The following FGF14 variants were observed in gnomAD, a reference collection of about 807,000 sequenced individuals.
The protein encoded by FGF14 is fibroblast growth factor 14, also known as fibroblast growth factor homologous factor 4.
In FGF14, 5 loss-of-function variants were observed where a neutral mutation model predicts 25.5. That is an observed-to-expected ratio of 0.20 (90% CI 0.10 to 0.41). FGF14 has a LOEUF of 0.41. Among genes scored for constraint, FGF14 ranks in the 10% least tolerant of loss-of-function variants. FGF14 has a pLI of 1.00. For missense variants in FGF14, 222 were observed against 320.1 expected (o/e 0.69, Z 2.34); for synonymous variants, 138 against 118.3 (o/e 1.17, Z -1.08).
chr13:102,229,579 G>C (rs1043579421), intron 1 of FGF14, among the ~76,000 whole-genome samples: 3 of 152,060 alleles, frequency 2.0e-5, no homozygotes, highest in Non-Finnish European at 4.4e-5. Flanking sequence ...CCTCAACATG[G>C]GCTGCTCTCT....
intron 1 of FGF14, among the ~76,000 whole-genome samples, chr13:101,985,944 C>T (rs1273566029): frequency 1.3e-5 from 2 of 152,136 alleles, no homozygotes; most frequent in African/African-American, 4.8e-5. Flanking sequence ...AAACATCCAA[C>T]TGCTACCTAA....
intron 1 of FGF14, among the ~76,000 whole-genome samples, chr13:102,034,004 A>G (rs972224125): frequency 9.9e-5 from 15 of 152,118 alleles, no homozygotes; most frequent in African/African-American, 3.6e-4. Flanking sequence ...ACCGCACAGC[A>G]GAGGAAAATG....
intron 1 of FGF14, chr13:102,003,305 G>A (rs1158069132): frequency 1.3e-5 from 2 of 152,154 alleles, no homozygotes; most frequent in Admixed American, 1.3e-4. Flanking sequence ...AATAAAGAGA[G>A]CCATGGGATT....
At chr13:101,995,438 G>A (rs142705845) in intron 1 of FGF14, among the ~76,000 whole-genome samples, 28 of 152,272 alleles carry the variant, frequency 1.8e-4, no homozygotes, top group African/African-American at 6.5e-4. Context: ...TGAAACAGGA[G>A]TGTGGCGGTG....
At chr13:102,350,193 C>A (rs926340163) in intron 1 of FGF14, among the ~76,000 whole-genome samples, 26 of 152,152 alleles carry the variant, frequency 1.7e-4, no homozygotes, top group Admixed American at 1.4e-3. Flanking sequence ...CATAGTAAGA[C>A]CTCCGTCTCT....
rs578261519 is a variant in FGF14 at position 102,202,185 on chromosome 13, G to A, written c.208+199286C>T. On this transcript the variant is annotated intron_variant, in intron 1 of 4. Transcript: ENST00000376131. ...ATACAGCCTGCGAAACCATGAGCCA[G>A]TTAAACCTCTTTTCTTTATAAGTTA... Among the ~76,000 whole-genome samples the A allele has an allele frequency of 7.6e-4, 116 of 152,316 alleles. 1 individual carries two copies. The highest frequency in any genetic ancestry group is 2.5e-3 in the African/African-American group (105 of 41,560).
intron 3 of FGF14, among the ~76,000 whole-genome samples, chr13:101,863,599 C>T (rs191642913): frequency 4.6e-5 from 7 of 152,152 alleles, no homozygotes; most frequent in East Asian, 3.9e-4. Flanking sequence ...AATGAATTCA[C>T]GCAATACTCC....
chr13:101,947,543 G>A (rs1399952598), intron 1 of FGF14, among the ~76,000 whole-genome samples: 1 of 152,180 alleles, frequency 6.6e-6, no homozygotes, highest in Non-Finnish European at 1.5e-5. Context: ...CAGCAACATG[G>A]ATGCAGCTAG....
At chr13:102,087,251 G>C (rs143844845) in intron 1 of FGF14, among the ~76,000 whole-genome samples, 33 of 152,162 alleles carry the variant, frequency 2.2e-4, no homozygotes, top group South Asian at 4.2e-4. Flanking sequence ...TATGCAACCT[G>C]AAGTAGCAGG....
intron 1 of FGF14, among the ~76,000 whole-genome samples, chr13:102,154,743 C>T (rs890998007): frequency 2.0e-5 from 3 of 151,978 alleles, no homozygotes; most frequent in Admixed American, 2.0e-4. Flanking sequence ...AGAGTCAAGA[C>T]CCATCAGTGT....
chr13:101,826,255 T>TC (rs1047441094), intron 3 of FGF14, among the ~76,000 whole-genome samples: 7 of 151,742 alleles, frequency 4.6e-5, no homozygotes, highest in Admixed American at 3.9e-4. Flanking sequence ...TTCACTAACC[T>TC]CCCCCCGTCC....
At chr13:102,039,402 A>G (rs1027535385) in intron 1 of FGF14, among the ~76,000 whole-genome samples, 1 of 152,168 alleles carries the variant, frequency 6.6e-6, no homozygotes, top group Non-Finnish European at 1.5e-5. Context: ...TCAGAACAGC[A>G]GGCATTCATT....
Position 101,916,768 on chromosome 13 carries a change from C to G in FGF14, c.-123G>C. 1 of 816,356 alleles carries G rather than the reference C, an allele frequency of 1.2e-6. No homozygotes were observed. Among genetic ancestry groups the G allele is most frequent in the Non-Finnish European group, 1.8e-6 (1 of 541,196 alleles). The allele number at this position is 816,356 out of a possible 1,614,324, so 50.6% of individuals were successfully genotyped here. Reference sequence around the variant, plus strand: ...TCGGGGCAGAGGAGGGGGTGCCAGGCGGGACTGGGGAGAGGGGAAGGGGGG... The same window carrying G: ...TCGGGGCAGAGGAGGGGGTGCCAGGGGGGACTGGGGAGAGGGGAAGGGGGG... On this transcript the variant is annotated 5_prime_UTR_variant, in exon 1 of 5. Transcript: ENST00000376143.
At chr13:102,019,777 C>T (rs2040538011) in intron 1 of FGF14, among the ~76,000 whole-genome samples, 1 of 152,128 alleles carries the variant, frequency 6.6e-6, no homozygotes, top group Non-Finnish European at 1.5e-5. Flanking sequence ...TATGCAAGAA[C>T]TGCACACTTT....
At chr13:102,166,235 GAA>G (rs1042772946) in intron 1 of FGF14, among the ~76,000 whole-genome samples, 6 of 150,752 alleles carry the variant, frequency 4.0e-5, no homozygotes, top group African/African-American at 1.5e-4. Context: ...CATAATTTGT[GAA>G]GTTTGTATTT....
At chr13:102,380,748 A>T (rs1463126582) in intron 1 of FGF14, among the ~76,000 whole-genome samples, 1 of 152,222 alleles carries the variant, frequency 6.6e-6, no homozygotes, top group Non-Finnish European at 1.5e-5. Flanking sequence ...ATTACATTTA[A>T]CTTTAAAACT....
intron 1 of FGF14, among the ~76,000 whole-genome samples, chr13:102,061,417 G>A (rs1008671411): frequency 2.6e-5 from 4 of 152,214 alleles, no homozygotes; most frequent in Non-Finnish European, 5.9e-5. Flanking sequence ...GTGGGGCACA[G>A]AAGAAACGAG....
chr13:101,982,574 A>T (rs1421951398), intron 1 of FGF14, among the ~76,000 whole-genome samples: 3 of 152,216 alleles, frequency 2.0e-5, no homozygotes, highest in African/African-American at 7.2e-5. Context: ...TATAAAATAG[A>T]TCACAACAAT....
intron 3 of FGF14, among the ~76,000 whole-genome samples, chr13:101,820,434 C>G (rs945651162): frequency 6.6e-6 from 1 of 152,060 alleles, no homozygotes; most frequent in Non-Finnish European, 1.5e-5. Flanking sequence ...CTAAAATGAA[C>G]ATATCCAAGA....
Sources: gnomAD v4.1 joint callset for allele counts (sites outside exome capture counted in the v4.1 genomes callset) on GRCh38, gnomAD v4.1.1 for gene constraint, MANE v1.5 for transcripts, NCBI Gene and HGNC (gene_info 2026-07-23, HGNC 2026-07-21) for gene names.